IL17RA: variants seen among roughly 807,000 people sequenced by gnomAD.
The protein encoded by IL17RA is interleukin 17 receptor A.
A neutral mutation model predicts 50.4 loss-of-function variants in IL17RA; 34 were observed. That is an observed-to-expected ratio of 0.67 (90% CI 0.51 to 0.90). The LOEUF is 0.90. Among genes scored for constraint, IL17RA ranks in the 40% least tolerant of loss-of-function variants. The probability of loss-of-function intolerance (pLI) is 0.00; values close to 1 mark genes in which losing one functional copy is unlikely to be tolerated. For missense variants in IL17RA, 1,276 were observed against 1,169.8 expected (o/e 1.09, Z -1.32); for synonymous variants, 585 against 510.4 (o/e 1.15, Z -1.97).
At chr22:17,104,619 C>G (rs558258253) in intron 8 of IL17RA, 107 bp from the exon 9 acceptor site, 9 of 972,798 alleles carry the variant, frequency 9.3e-6, no homozygotes, top group East Asian at 2.6e-5. Context: ...ACCTGGAGAT[C>G]GTGGTGTAGC....
intron 10 of IL17RA, 73 bp from the exon 11 acceptor site, chr22:17,105,780 G>A (rs1231776140): frequency 1.4e-6 from 2 of 1,450,260 alleles, no homozygotes; most frequent in Non-Finnish European, 1.9e-6. Flanking sequence ...TGGGGCTGGG[G>A]AGCAGGGCTG....
At chr22:17,089,506 C>T (rs1390249124) in intron 1 of IL17RA, among the ~76,000 whole-genome samples, 1 of 152,148 alleles carries the variant, frequency 6.6e-6, no homozygotes, top group Admixed American at 6.6e-5. Flanking sequence ...TGACAATCCC[C>T]CCTCTGATTT....
rs181804525 is a variant in IL17RA, at chr22:17,110,641, C to T, written c.*821C>T. 1.2e-3 allele frequency: 175 copies of T among 151,888 alleles called. No individual in the cohort carries two copies. The highest frequency in any genetic ancestry group is 4.4e-3 in the Admixed American group (67 of 15,226). The allele number at this position is 151,888 out of a possible 1,614,324, so 9.4% of individuals were successfully genotyped here. A position where few individuals can be genotyped will look rare whatever the true frequency, so the allele number is the denominator to read the frequency against. On this transcript the variant is annotated 3_prime_UTR_variant, in exon 13 of 13. Transcript: ENST00000319363. ...CTCAGGAGTTCAAGACCAGCCTGGG[C>T]GACATAGTGAGACCTCATCTCTACC...
In IL17RA at chr22:17,103,566, C is replaced by T; in HGVS notation, c.835C>T (p.His279Tyr). 1 of 1,612,504 alleles carries T rather than the reference C, an allele frequency of 6.2e-7. No homozygotes were observed. Among genetic ancestry groups the T allele is most frequent in the Non-Finnish European group, 8.5e-7 (1 of 1,179,338 alleles). The change falls in exon 8 of 13, where the codon CAC becomes TAC. Residue 279 changes from histidine to tyrosine, a missense_variant. His to Tyr is a moderately conservative substitution (Grantham distance 83). Transcript: ENST00000319363. ...TLRNLKGCCR[H>Y]QVQIQPFFSS... ...ACGCAACCTTAAAGGGTGCTGTCGC[C>T]ACCAAGTGCAGGTGGGTGAGTGTGG...
chr22:17,109,071 G>T lies in IL17RA; in HGVS notation c.1852G>T (p.Val618Leu), dbSNP rs748641311. 1.3e-6 allele frequency: 2 copies of T among 1,581,966 alleles called. No homozygotes were observed. Among genetic ancestry groups the T allele is most frequent in the Admixed American group, 3.5e-5 (2 of 56,764 alleles). Reference protein sequence around the residue: ...EPLLPPGTGIVKRAPLVREPG... With the variant: ...EPLLPPGTGILKRAPLVREPG... ...ACTGCTGCCTCCGGGAACCGGCATC[G>T]TGAAGCGGGCGCCCCTGGTGCGCGA... The change falls in exon 13 of 13, where the codon GTG becomes TTG. Residue 618 changes from valine (V) to leucine (L), a missense_variant. Coordinates refer to ENST00000319363, the MANE Select transcript of IL17RA (RefSeq NM_014339.7).
rs1266675676 is a variant in IL17RA at position 17,110,008 on chromosome 22, C to T, written c.*188C>T. The T allele has an allele frequency of 4.7e-6, 3 of 641,166 alleles. No individual in the cohort carries two copies. In the Admixed American group the frequency reaches 8.7e-5, roughly 19 times the overall value. The allele number at this position is 641,166 out of a possible 1,614,324, so 39.7% of individuals were successfully genotyped here. On this transcript the variant is annotated 3_prime_UTR_variant, in exon 13 of 13. Coordinates refer to ENST00000319363, the MANE Select transcript of IL17RA (RefSeq NM_014339.7). ...TTTCTTTGTGCAGCGGTCTGGTTATCGTCTATCCCCAGGGGAATCCACACA... is the reference window on the plus strand; with the variant it reads ...TTTCTTTGTGCAGCGGTCTGGTTATTGTCTATCCCCAGGGGAATCCACACA...
chr22:17,097,371 C>T (rs1439602100), intron 2 of IL17RA: 2 of 532,284 alleles, frequency 3.8e-6, no homozygotes, highest in Non-Finnish European at 6.8e-6. Context: ...TTTGATTTGC[C>T]ACAGCTTGTC....
Position 17,108,891 on chromosome 22 carries a change from T to C in IL17RA, c.1672T>C (p.Tyr558His), listed in dbSNP as rs763010332. 3 of 1,611,284 alleles carry C rather than the reference T, an allele frequency of 1.9e-6. No homozygotes were observed. The highest frequency in any genetic ancestry group is 1.3e-5 in the African/African-American group (1 of 75,032). The stretch of plus-strand genomic sequence containing the variant: ...CGTAGGGGAGCTGTCGGGGGACAAC[T>C]ACCTGCGGAGCCCGGGCGGCAGGCA... ...HRVGELSGDN[Y>H]LRSPGGRQLR... Residue 558 changes from tyrosine to histidine, a missense_variant, in exon 13 of 13, where the codon TAC becomes CAC. Transcript: ENST00000319363.
intron 1 of IL17RA, among the ~76,000 whole-genome samples, chr22:17,094,143 C>G (rs781600501): frequency 1.3e-5 from 2 of 152,012 alleles, no homozygotes; most frequent in Non-Finnish European, 2.9e-5. Flanking sequence ...GCCACCACAC[C>G]CAGCTAATTT....
intron 7 of IL17RA, 106 bp downstream of exon 7, chr22:17,102,408 G>A (rs560542290): frequency 5.0e-5 from 61 of 1,230,650 alleles, no homozygotes; most frequent in Middle Eastern, 2.3e-4. Context: ...AGAAGCTCGC[G>A]ACTCAGGGCT....
chr22:17,096,295 A>C (rs1407745548), intron 1 of IL17RA, among the ~76,000 whole-genome samples: 1 of 152,236 alleles, frequency 6.6e-6, no homozygotes, highest in Admixed American at 6.5e-5. Flanking sequence ...CCTCATCTGC[A>C]GAATGGGCTG....
chr22:17,105,712 G>GC (rs2061411253), intron 10 of IL17RA, 110 bp downstream of exon 10: 5 of 1,312,152 alleles, frequency 3.8e-6, no homozygotes, highest in African/African-American at 2.2e-5. Flanking sequence ...ACCGAGGCCA[G>GC]CCCGGGGTGG....
chr22:17,106,164 G>A (rs1043790015), intron 11 of IL17RA, among the ~76,000 whole-genome samples: 4 of 152,232 alleles, frequency 2.6e-5, no homozygotes, highest in East Asian at 3.8e-4. Flanking sequence ...TGTTAGCCAC[G>A]ATTATATTTG....
At chr22:17,100,995 G>A (rs1403002121) in intron 5 of IL17RA, among the ~76,000 whole-genome samples, 1 of 152,164 alleles carries the variant, frequency 6.6e-6, no homozygotes, top group Admixed American at 6.5e-5. Context: ...ATCCTTTGAT[G>A]TACATGTACC....
rs1318524420 is a variant in IL17RA at position 17,091,854 on chromosome 22, T to C, written c.139-5208T>C. On this transcript the variant is annotated intron_variant, in intron 1 of 12. Coordinates refer to ENST00000319363, the MANE Select transcript of IL17RA (RefSeq NM_014339.7). ...TTGTGCAGGCCATTTAGTAACCTTTTTAATTTGGCAACGTGATACTGTGAA... is the reference window on the plus strand; with the variant it reads ...TTGTGCAGGCCATTTAGTAACCTTTCTAATTTGGCAACGTGATACTGTGAA... Among the ~76,000 whole-genome samples, 6 of 152,194 alleles carry C rather than the reference T, an allele frequency of 3.9e-5. No homozygotes were observed. The South Asian group carries it at 1.2e-3, about 31-fold the overall frequency.
In IL17RA at chr22:17,097,126, TAATC is replaced by T. The variant is rs780168530; in HGVS notation, c.163+43_163+46del. ...TCTGTTCTTCTTCTTGTTGCCTTCT[TAATC>T]AAGTGAGAGCCTGCTGCCAACTTCT... is the stretch of plus-strand genomic sequence containing the variant. On this transcript the variant is annotated intron_variant, in intron 2 of 12. Transcript: ENST00000319363. 13 of 1,592,814 alleles carry T rather than the reference TAATC, an allele frequency of 8.2e-6. No individual in the cohort carries two copies. The East Asian group carries it at 2.2e-4, about 27-fold the overall frequency.
At position 17,098,900 on chromosome 22, in the gene IL17RA, C is replaced by T. The variant is rs775997736; in HGVS notation, c.423+13C>T. 4.4e-6 allele frequency: 7 copies of T among 1,595,156 alleles called. No homozygotes were observed. In the South Asian group the frequency reaches 4.4e-5, roughly 10 times the overall value. On this transcript the variant is annotated intron_variant, in intron 4 of 12. Transcript: ENST00000319363. Reference sequence around the variant, plus strand: ...TCACCACAGGCGGGTAAGAACACAGCTCCTGAGTGGATTATGTTCCACTGA... The same window carrying T: ...TCACCACAGGCGGGTAAGAACACAGTTCCTGAGTGGATTATGTTCCACTGA...
In IL17RA at chr22:17,101,998, T is replaced by C. The variant is rs757368546; in HGVS notation, c.553T>C (p.Cys185Arg). 5 of 1,614,218 alleles carry C rather than the reference T, an allele frequency of 3.1e-6. No individual in the cohort carries two copies. The highest frequency in any genetic ancestry group is 2.2e-5 in the South Asian group (2 of 91,078). Residue 185 changes from cysteine to arginine, a missense_variant and splice_region_variant, in exon 6 of 13, where the codon TGT (cysteine) becomes CGT (arginine). Coordinates refer to ENST00000319363, the MANE Select transcript of IL17RA (RefSeq NM_014339.7). ...TTTCCTTTTTTCTGGGTCGACAGAC[T>C]GTGAGCACGCCAGGATGAAGGTAAC... ...HQSKNFLVPD[C>R]EHARMKVTTP... is the part of the protein sequence containing the mutation.
rs934211554 is a variant in IL17RA at position 17,115,631 on chromosome 22, C to G, written c.*5811C>G. 1 of 152,020 alleles carries G rather than the reference C, an allele frequency of 6.6e-6. No homozygotes were observed. The highest frequency in any genetic ancestry group is 6.5e-5 in the Admixed American group (1 of 15,274). The allele number at this position is 152,020 out of a possible 1,614,324, so 9.4% of individuals were successfully genotyped here. A position where few individuals can be genotyped will look rare whatever the true frequency, so the allele number is the denominator to read the frequency against. On this transcript the variant is annotated 3_prime_UTR_variant, in exon 13 of 13. Coordinates refer to ENST00000319363, the MANE Select transcript of IL17RA (RefSeq NM_014339.7). ...TGTGTTTGTTTATTTTGGTGCAGGCCCAGTGTTCTTGCTTAGACTTAATAC... is the reference window on the plus strand; with the variant it reads ...TGTGTTTGTTTATTTTGGTGCAGGCGCAGTGTTCTTGCTTAGACTTAATAC...
Sources: gnomAD v4.1 joint callset for allele counts (sites outside exome capture counted in the v4.1 genomes callset) on GRCh38, gnomAD v4.1.1 for gene constraint, MANE v1.5 for transcripts, NCBI Gene and HGNC (gene_info 2026-07-23, HGNC 2026-07-21) for gene names.